The following SLC25A48 variants were observed in gnomAD, a reference collection of about 807,000 sequenced individuals.
SLC25A48 encodes the protein solute carrier family 25 member 48, also known as CTC-321K16.1.
In SLC25A48, 29 loss-of-function variants were observed where a neutral mutation model predicts 32.2. The observed-to-expected ratio is 0.90, with a 90% CI of 0.67 to 1.23. SLC25A48 has a LOEUF of 1.23. Among genes scored for constraint, SLC25A48 ranks in the 50% most tolerant of loss-of-function variants. The pLI is 0.00. For synonymous variants in SLC25A48, 164 were observed against 172.3 expected, an observed-to-expected ratio of 0.95 and a Z score of 0.38; for missense variants, 399 against 422.7, an observed-to-expected ratio of 0.94 and a Z score of 0.49.
chr5:135,610,877 A>T (rs747915853), intron 1 of SLC25A48, among the ~76,000 whole-genome samples: 1 of 152,222 alleles, frequency 6.6e-6, no homozygotes, highest in Non-Finnish European at 1.5e-5. Context: ...TTTATACATA[A>T]CTTTAGTGAG....
intron 1 of SLC25A48, among the ~76,000 whole-genome samples, chr5:135,598,910 T>C (rs1751721924): frequency 6.6e-6 from 1 of 152,158 alleles, no homozygotes; most frequent in Non-Finnish European, 1.5e-5. Flanking sequence ...GCTGCACAGT[T>C]GCTGTGTCAA....
chr5:135,847,913 A>C (rs1759548370), intron 2 of SLC25A48, among the ~76,000 whole-genome samples: 2 of 152,250 alleles, frequency 1.3e-5, no homozygotes, highest in Non-Finnish European at 2.9e-5. Flanking sequence ...CAGCAGCAAT[A>C]GGAAACTAAT....
chr5:135,657,773 C>G (rs1753288910), intron 3 of SLC25A48, among the ~76,000 whole-genome samples: 1 of 152,170 alleles, frequency 6.6e-6, no homozygotes, highest in African/African-American at 2.4e-5. Context: ...GGGTGACAGC[C>G]AACTGGAAGA....
chr5:135,702,394 G>A (rs1028678435), intron 3 of SLC25A48, among the ~76,000 whole-genome samples: 6 of 152,212 alleles, frequency 3.9e-5, no homozygotes, highest in Admixed American at 2.6e-4. Flanking sequence ...GCAGGGATGG[G>A]AGTGATGCGT....
chr5:135,660,037 T>C (rs1033435788), intron 3 of SLC25A48, among the ~76,000 whole-genome samples: 9 of 152,222 alleles, frequency 5.9e-5, no homozygotes, highest in African/African-American at 2.2e-4. Flanking sequence ...CTGCACTTGA[T>C]ATTGGATGCC....
chr5:135,849,978 G>C (rs767633403), intron 2 of SLC25A48, among the ~76,000 whole-genome samples: 8 of 152,182 alleles, frequency 5.3e-5, no homozygotes, highest in Non-Finnish European at 1.0e-4. Context: ...GAGGAAGTGA[G>C]GGAGAAGCAG....
At chr5:135,719,021 T>G (rs978915302) in intron 3 of SLC25A48, among the ~76,000 whole-genome samples, 7 of 152,082 alleles carry the variant, frequency 4.6e-5, no homozygotes, top group Non-Finnish European at 1.5e-5. Flanking sequence ...ATGAACAAGA[T>G]TATCCTGGTT....
At chr5:135,812,534 C>T (rs1232290127) in exon 4 of SLC25A48, 1 of 152,212 alleles carries the variant, frequency 6.6e-6, no homozygotes, top group African/African-American at 2.4e-5. Flanking sequence ...TATCATCCCT[C>T]CTGTTATATT....
At chr5:135,705,706 G>A (rs1424299990) in intron 3 of SLC25A48, among the ~76,000 whole-genome samples, 1 of 152,202 alleles carries the variant, frequency 6.6e-6, no homozygotes, top group Non-Finnish European at 1.5e-5. Flanking sequence ...CTTAAAAACA[G>A]TGCAAGTTTG....
At chr5:135,845,274 C>T (rs1325628393) in intron 2 of SLC25A48, among the ~76,000 whole-genome samples, 2 of 152,244 alleles carry the variant, frequency 1.3e-5, no homozygotes, top group Non-Finnish European at 2.9e-5. Context: ...CTCTGTGTGT[C>T]AGATCTGCCC....
Position 135,637,983 on chromosome 5 carries a change from C to T in SLC25A48, c.-521+3027C>T, listed in dbSNP as rs973241919. Among the ~76,000 whole-genome samples, 3 of 152,274 alleles carry T rather than the reference C, an allele frequency of 2.0e-5. No individual in the cohort carries two copies. In the South Asian group the frequency reaches 6.2e-4, roughly 32 times the overall value. ...ACCAATTTTAAGATATACTTTTCTCCTTATTTTCCACATTTTAACATCTAT... is the reference window on the plus strand; with the variant it reads ...ACCAATTTTAAGATATACTTTTCTCTTTATTTTCCACATTTTAACATCTAT... On this transcript the variant is annotated intron_variant, in intron 3 of 10. Transcript: ENST00000646290.
chr5:135,768,714 A>C (rs1339535035), intron 3 of SLC25A48, among the ~76,000 whole-genome samples: 1 of 151,698 alleles, frequency 6.6e-6, no homozygotes, highest in South Asian at 2.1e-4. Context: ...CACCCTTGTT[A>C]TATTTTTCAT....
chr5:135,763,756 CACACACAT>C lies in SLC25A48; in HGVS notation c.-520-48759_-520-48752del, dbSNP rs1256061309. On this transcript the variant is annotated intron_variant, in intron 3 of 10. Transcript: ENST00000646290. ...GCTTAGGAAACCGGAGAAATAGGAA[CACACACAT>C]ACACACACACACACACACACACACA... is the stretch of plus-strand genomic sequence containing the variant. Among the ~76,000 whole-genome samples the C allele has an allele frequency of 3.9e-3, 339 of 86,842 alleles. 1 individual carries two copies. In the East Asian group the frequency reaches 0.04, roughly 10 times the overall value. The allele number at this position is 86,842 out of a possible 152,430, so 57.0% of individuals were successfully genotyped here.
intron 3 of SLC25A48, among the ~76,000 whole-genome samples, chr5:135,686,690 CAGAT>C (rs1754027760): frequency 6.6e-6 from 1 of 151,860 alleles, no homozygotes. Context: ...TACTGGACGA[CAGAT>C]GGATGGTTGG....
intron 3 of SLC25A48, among the ~76,000 whole-genome samples, chr5:135,777,982 G>C (rs1055966872): frequency 5.3e-5 from 8 of 151,754 alleles, no homozygotes; most frequent in African/African-American, 1.7e-4. Flanking sequence ...ATCGCAAATG[G>C]TGTACACAGT....
intron 3 of SLC25A48, among the ~76,000 whole-genome samples, chr5:135,679,357 G>A (rs1347919410): frequency 6.6e-6 from 1 of 152,208 alleles, no homozygotes; most frequent in Non-Finnish European, 1.5e-5. Flanking sequence ...CGAGGGCCGA[G>A]CTGGGCCAGG....
intron 2 of SLC25A48, among the ~76,000 whole-genome samples, chr5:135,849,879 C>A (rs564547784): frequency 1.3e-5 from 2 of 151,986 alleles, no homozygotes; most frequent in African/African-American, 4.8e-5. Context: ...AGGGAGAATG[C>A]AGAATTTATC....
intron 3 of SLC25A48, among the ~76,000 whole-genome samples, chr5:135,809,054 C>A (rs1392595319): frequency 6.6e-6 from 1 of 151,960 alleles, no homozygotes; most frequent in Non-Finnish European, 1.5e-5. Context: ...GTCATCCCAG[C>A]ACTTTGGGAG....
In SLC25A48 at chr5:135,690,753, A is replaced by T. The variant is rs146785155; in HGVS notation, c.-521+55797A>T. ...AGTGACTTGCCAAGAATCACCCAGC[A>T]GATCAATTTTGAATCCAGAAACAGG... On this transcript the variant is annotated intron_variant, in intron 3 of 10. Coordinates refer to the SLC25A48 transcript ENST00000646290. 1.9e-3 allele frequency among the ~76,000 whole-genome samples: 293 copies of T among 152,330 alleles called. 5 individuals are homozygous for T. The highest frequency in any genetic ancestry group is 1.1e-3 in the Non-Finnish European group (76 of 68,018).
Sources: allele counts gnomAD v4.1 joint callset (sites outside exome capture counted in the v4.1 genomes callset), GRCh38; gene constraint gnomAD v4.1.1; transcripts MANE v1.5; gene names NCBI Gene and HGNC (gene_info 2026-07-23, HGNC 2026-07-21).